SLC9A7: variants seen among roughly 807,000 people sequenced by gnomAD.
SLC9A7 encodes sodium/hydrogen exchanger 7.
SLC9A7 carries 19 observed loss-of-function variants against 52.6 expected under a neutral mutation model. The ratio of observed to expected loss-of-function variants is 0.36; its 90% CI spans 0.25 to 0.53. SLC9A7 has a LOEUF of 0.53. SLC9A7 is among the 20% of genes least tolerant of loss of function. The pLI, the probability that SLC9A7 is intolerant of heterozygous loss-of-function variation, is 0.91. For missense variants in SLC9A7, 455 were observed against 597.9 expected (o/e 0.76, Z 2.49); for synonymous variants, 226 against 252.1 (o/e 0.90, Z 0.98).
chrX:46,730,693 T>TATATATATAC, intron 1 of SLC9A7, among the ~76,000 whole-genome samples: 1 of 73,569 alleles, frequency 1.4e-5, no homozygotes, highest in Admixed American at 1.8e-4. Flanking sequence ...TATATATATA[T>TATATATATAC]ATATATATAT....
intron 4 of SLC9A7, among the ~76,000 whole-genome samples, chrX:46,671,202 T>C (rs765287181): frequency 1.1e-4 from 12 of 111,936 alleles, no homozygotes; most frequent in African/African-American, 3.9e-4. Context: ...GGATACCACA[T>C]GGCGTTTAGT....
At chrX:46,636,796 G>A (rs1363081566) in intron 12 of SLC9A7, among the ~76,000 whole-genome samples, 10 of 111,527 alleles carry the variant, frequency 9.0e-5, no homozygotes, top group African/African-American at 3.3e-4. Flanking sequence ...CGGCAATAAC[G>A]AAAAAAAGAT....
At chrX:46,631,524 T>C (rs1943221473) in intron 14 of SLC9A7, 62 bp downstream of exon 14, 1 of 927,169 alleles carries the variant, frequency 1.1e-6, no homozygotes, top group African/African-American at 1.9e-5. Flanking sequence ...CTAGGTAAAG[T>C]GCCTGGCATG....
intron 14 of SLC9A7, 70 bp from the exon 15 acceptor site, chrX:46,621,129 T>C (rs1943039848): frequency 3.1e-5 from 21 of 682,430 alleles, no homozygotes; most frequent in Non-Finnish European, 4.3e-5. Context: ...AAAAAAAACC[T>C]TTTTTAATAA....
chrX:46,625,899 T>C (rs2146712043), intron 14 of SLC9A7, among the ~76,000 whole-genome samples: 1 of 111,749 alleles, frequency 8.9e-6, no homozygotes, highest in East Asian at 2.8e-4. Flanking sequence ...TGAATGAGCC[T>C]GGAAGTGGCT....
chrX:46,675,061 A>ATGTGTGTGTGTGTG (rs397895552), intron 3 of SLC9A7, among the ~76,000 whole-genome samples: 18 of 68,868 alleles, frequency 2.6e-4, no homozygotes, highest in Non-Finnish European at 5.1e-4. Context: ...GAGAGAGTGA[A>ATGTGTGTGTGTGTG]TGTGTGTGTG....
chrX:46,606,619 C>T lies in SLC9A7; in HGVS notation c.*333G>A. The T allele has an allele frequency of 1.1e-6, 1 of 912,595 alleles. No individual in the cohort carries two copies. Among genetic ancestry groups the T allele is most frequent in the East Asian group, 6.1e-5 (1 of 16,439 alleles). 75.2% of individuals were successfully genotyped at this position (912,595 alleles called of 1,213,427 possible). On this transcript the variant is annotated 3_prime_UTR_variant, in exon 17 of 17. Transcript: ENST00000616978. ...CTCTCATGGGAGGAATCCCCCCACC[C>T]AGCACCTGCCTCGCCTTGTTCAGAT...
chrX:46,748,654 T>C (rs894571096), intron 1 of SLC9A7, among the ~76,000 whole-genome samples: 1 of 108,306 alleles, frequency 9.2e-6, no homozygotes, highest in Non-Finnish European at 1.9e-5. Context: ...ACAACATGGA[T>C]GAACCTTGAA....
intron 5 of SLC9A7, among the ~76,000 whole-genome samples, chrX:46,663,464 C>T (rs1282607941): frequency 9.5e-6 from 1 of 105,711 alleles, no homozygotes; most frequent in Non-Finnish European, 1.9e-5. Flanking sequence ...CACAGTGAAG[C>T]CCCGTCTCTA....
rs34547861 is a variant in SLC9A7 at position 46,616,314 on chromosome X, C to CA, written c.1824-2921dup. Among the ~76,000 whole-genome samples the CA allele has an allele frequency of 6.0e-3, 432 of 71,689 alleles. 3 individuals carry two copies. The highest frequency in any genetic ancestry group is 0.012 in the African/African-American group (245 of 19,723). 62.3% of individuals were successfully genotyped at this position (71,689 alleles called of 115,157 possible). A position where few individuals can be genotyped will look rare whatever the true frequency, so the allele number is the denominator to read the frequency against. The stretch of plus-strand genomic sequence containing the variant: ...ATCAGTGCAGAGTGAGACCCTGTCT[C>CA]AAAAAAAAAAAAAACCCACCCCCCC... On this transcript the variant is annotated intron_variant, in intron 15 of 16. Transcript: ENST00000616978.
intron 16 of SLC9A7, among the ~76,000 whole-genome samples, chrX:46,610,696 G>C (rs770655741): frequency 1.8e-5 from 2 of 111,766 alleles, no homozygotes; most frequent in Non-Finnish European, 3.8e-5. Flanking sequence ...GTTGGCTGTG[G>C]GGAGTCACAG....
intron 1 of SLC9A7, among the ~76,000 whole-genome samples, chrX:46,709,192 C>T (rs2094822001): frequency 9.0e-6 from 1 of 110,694 alleles, no homozygotes; most frequent in African/African-American, 3.3e-5. Flanking sequence ...TCACTTGAGC[C>T]CAGGAGTTCG....
chrX:46,670,521 G>A (rs1156833942), intron 4 of SLC9A7, among the ~76,000 whole-genome samples: 1 of 111,311 alleles, frequency 9.0e-6, no homozygotes, highest in Non-Finnish European at 1.9e-5. Flanking sequence ...GTGTGTGCGT[G>A]TGGTGGCAGC....
At chrX:46,660,369 T>C (rs995337382) in intron 7 of SLC9A7, among the ~76,000 whole-genome samples, 1 of 110,913 alleles carries the variant, frequency 9.0e-6, no homozygotes, top group African/African-American at 3.3e-5. Flanking sequence ...AATTGACAAA[T>C]GGGATCTAAT....
intron 14 of SLC9A7, among the ~76,000 whole-genome samples, chrX:46,627,921 A>C (rs896176228): frequency 9.0e-6 from 1 of 111,648 alleles, no homozygotes; most frequent in Non-Finnish European, 1.9e-5. Context: ...AACACGGAGG[A>C]CCCAGAAACA....
At chrX:46,677,337 A>G (rs1200428189) in intron 3 of SLC9A7, among the ~76,000 whole-genome samples, 1 of 112,172 alleles carries the variant, frequency 8.9e-6, no homozygotes, top group East Asian at 2.8e-4. Context: ...CCTGGTGGCT[A>G]AAGGGTACCT....
chrX:46,736,414 C>G lies in SLC9A7; in HGVS notation c.325+22291G>C, dbSNP rs748547406. 1.4e-3 allele frequency among the ~76,000 whole-genome samples: 153 copies of G among 112,168 alleles called. 2 individuals are homozygous for G. The highest frequency in any genetic ancestry group is 4.8e-3 in the African/African-American group (149 of 30,948). ...AAAAATTCTCTGATAGTTCCAACATCTGTGTCATACATGAGCCTGGTTCTG... is the reference window on the plus strand; with the variant it reads ...AAAAATTCTCTGATAGTTCCAACATGTGTGTCATACATGAGCCTGGTTCTG... On this transcript the variant is annotated intron_variant, in intron 1 of 16. Coordinates refer to ENST00000616978, the MANE Select transcript of SLC9A7 (RefSeq NM_001257291.2).
At chrX:46,696,288 T>C (rs1417095886) in intron 1 of SLC9A7, among the ~76,000 whole-genome samples, 1 of 110,780 alleles carries the variant, frequency 9.0e-6, no homozygotes, top group Non-Finnish European at 1.9e-5. Context: ...GCCCAGCCTC[T>C]CCAACTTTAA....
chrX:46,691,827 T>C (rs1485128214), intron 1 of SLC9A7, among the ~76,000 whole-genome samples: 2 of 111,145 alleles, frequency 1.8e-5, no homozygotes, highest in Non-Finnish European at 3.8e-5. Context: ...TTTGTCCCTC[T>C]AGCAGCTTCC....
Sources: gnomAD v4.1 joint callset for allele counts (sites outside exome capture counted in the v4.1 genomes callset) on GRCh38, gnomAD v4.1.1 for gene constraint, MANE v1.5 for transcripts, NCBI Gene and HGNC (gene_info 2026-07-23, HGNC 2026-07-21) for gene names.